ACTN2: variants seen among roughly 807,000 people sequenced by gnomAD.
The protein encoded by ACTN2 is alpha-actinin-2.
A neutral mutation model predicts 113.8 loss-of-function variants in ACTN2; 39 were observed. The ratio of observed to expected loss-of-function variants is 0.34; its 90% CI spans 0.27 to 0.45. ACTN2 has a LOEUF of 0.45. Among genes scored for constraint, ACTN2 ranks in the 20% least tolerant of loss-of-function variants. The probability of loss-of-function intolerance (pLI) is 1.00; values close to 1 mark genes in which losing one functional copy is unlikely to be tolerated. For synonymous variants in ACTN2, 429 were observed against 444.1 expected (o/e 0.97, Z 0.43); for missense variants, 992 against 1,177.9 (o/e 0.84, Z 2.31).
At chr1:236,757,733 A>T (rs559196330) in intron 18 of ACTN2, 101 bp downstream of exon 18, 1 of 1,470,304 alleles carries the variant, frequency 6.8e-7, no homozygotes, top group East Asian at 2.3e-5. Flanking sequence ...GCTCCACAAC[A>T]TTTACAGGGA....
intron 17 of ACTN2, among the ~76,000 whole-genome samples, chr1:236,757,213 T>G (rs369948931): frequency 5.1e-4 from 61 of 119,864 alleles, no homozygotes; most frequent in East Asian, 1.0e-3. Context: ...TACTGCAGAG[T>G]GCCCGCTGCC....
intron 6 of ACTN2, among the ~76,000 whole-genome samples, chr1:236,729,947 A>G (rs1658667099): frequency 6.6e-6 from 1 of 152,250 alleles, no homozygotes; most frequent in African/African-American, 2.4e-5. Flanking sequence ...TAATACTTAT[A>G]TAGCACCAGG....
At chr1:236,717,488 A>T (rs1466397403) in intron 1 of ACTN2, among the ~76,000 whole-genome samples, 1 of 152,164 alleles carries the variant, frequency 6.6e-6, no homozygotes, top group Non-Finnish European at 1.5e-5. Flanking sequence ...TGCTGCAAGC[A>T]AGCATATTTT....
chr1:236,718,257 T>C (rs1388064521), intron 2 of ACTN2, among the ~76,000 whole-genome samples: 1 of 152,254 alleles, frequency 6.6e-6, no homozygotes, highest in Non-Finnish European at 1.5e-5. Context: ...CCCTCCATGC[T>C]GCCCTTTCTA....
intron 8 of ACTN2, 40 bp from the exon 9 acceptor site, chr1:236,737,082 C>T (rs199692017): frequency 3.2e-5 from 49 of 1,547,338 alleles, no homozygotes; most frequent in East Asian, 1.4e-4. Flanking sequence ...TGCGCATTCC[C>T]GTCGACAGAG....
Position 236,755,218 on chromosome 1 carries a change from G to A in ACTN2, c.2154+20G>A, listed in dbSNP as rs780539018. The A allele has an allele frequency of 1.7e-5, 27 of 1,613,840 alleles. 1 individual carries two copies. Among genetic ancestry groups the A allele is most frequent in the East Asian group, 6.7e-5 (3 of 44,888 alleles). ...ATGGAGGTACGGCAGCCAGACAGGC[G>A]TGTGCCGCTCACTTCTCACGGGGAC... On this transcript the variant is annotated intron_variant, in intron 17 of 20. Transcript: ENST00000366578.
intron 1 of ACTN2, among the ~76,000 whole-genome samples, chr1:236,707,932 G>C (rs1269955833): frequency 6.6e-6 from 1 of 151,570 alleles, no homozygotes; most frequent in Non-Finnish European, 1.5e-5. Flanking sequence ...GGCTGGTCTC[G>C]AACTCCTAGA....
chr1:236,747,548 T>A, intron 12 of ACTN2, 119 bp from the exon 13 acceptor site: 1 of 863,570 alleles, frequency 1.2e-6, no homozygotes, highest in East Asian at 2.7e-5. Flanking sequence ...TATGTCCATG[T>A]GGATACATTT....
At chr1:236,746,197 A>G (rs1167566518) in intron 12 of ACTN2, among the ~76,000 whole-genome samples, 3 of 151,768 alleles carry the variant, frequency 2.0e-5, no homozygotes, top group Non-Finnish European at 4.4e-5. Context: ...AGAAAAAAAA[A>G]AAGAAAACGA....
At position 236,762,595 on chromosome 1, in the gene ACTN2, A is replaced by C. The variant is rs760091931; in HGVS notation, c.2661A>C (p.Ala887=). 1.2e-5 allele frequency: 20 copies of C among 1,613,910 alleles called. No individual in the cohort carries two copies. The highest frequency in any genetic ancestry group is 2.2e-5 in the East Asian group (1 of 44,886). ...GALDYAAFSS[A]LYGESDL Reference sequence around the variant, plus strand: ...TGGATTACGCTGCGTTCTCTTCCGCACTCTACGGGGAGAGCGATCTGTGAT... The same window carrying C: ...TGGATTACGCTGCGTTCTCTTCCGCCCTCTACGGGGAGAGCGATCTGTGAT... The change falls in exon 21 of 21, where the codon GCA becomes GCC. Residue 887 remains alanine, a synonymous_variant. Transcript: ENST00000366578.
intron 17 of ACTN2, among the ~76,000 whole-genome samples, chr1:236,757,237 T>C (rs893664859): frequency 5.4e-5 from 8 of 147,936 alleles, no homozygotes; most frequent in African/African-American, 2.0e-4. Context: ...GTTAGAACCC[T>C]GGTTATAGAG....
At chr1:236,704,089 T>C (rs1200675997) in intron 1 of ACTN2, among the ~76,000 whole-genome samples, 1 of 152,160 alleles carries the variant, frequency 6.6e-6, no homozygotes, top group East Asian at 1.9e-4. Flanking sequence ...AAATGTAGAA[T>C]TTGACGTGGA....
intron 10 of ACTN2, 117 bp from the exon 11 acceptor site, chr1:236,742,779 C>A: frequency 7.4e-7 from 1 of 1,353,124 alleles, no homozygotes; most frequent in Non-Finnish European, 1.0e-6. Context: ...GAAAAGAAAA[C>A]AAAAGGAAAA....
intron 1 of ACTN2, among the ~76,000 whole-genome samples, chr1:236,708,466 T>C (rs1424631906): frequency 6.6e-6 from 1 of 152,214 alleles, no homozygotes; most frequent in Non-Finnish European, 1.5e-5. Flanking sequence ...TCAGTTTTCG[T>C]TGTGCTGAGT....
At position 236,695,788 on chromosome 1, in the gene ACTN2, A is replaced by G. The variant is rs1021542047; in HGVS notation, c.126+8989A>G. Among the ~76,000 whole-genome samples the G allele has an allele frequency of 4.6e-5, 7 of 152,186 alleles. No individual in the cohort carries two copies. In the East Asian group the frequency reaches 1.2e-3, roughly 25 times the overall value. On this transcript the variant is annotated intron_variant, in intron 1 of 20. Transcript: ENST00000366578. ...AAGAACTGGCATATGCAGTCTTCATACATGCCAAGCCCTAGACCAAGAAGT... is the reference window on the plus strand; with the variant it reads ...AAGAACTGGCATATGCAGTCTTCATGCATGCCAAGCCCTAGACCAAGAAGT...
At chr1:236,739,681 T>C (rs976941605) in intron 10 of ACTN2, 149 bp downstream of exon 10, 1 of 982,022 alleles carries the variant, frequency 1.0e-6, no homozygotes, top group Non-Finnish European at 1.6e-6. Context: ...ACTTTGTTCT[T>C]AATACTTTTC....
Position 236,751,570 on chromosome 1 carries a change from T to C in ACTN2, c.1757T>C (p.Ile586Thr). The C allele has an allele frequency of 6.2e-7, 1 of 1,613,934 alleles. No homozygotes were observed. Among genetic ancestry groups the C allele is most frequent in the East Asian group, 2.2e-5 (1 of 44,872 alleles). The change falls in exon 15 of 21, where the codon ATT becomes ACT. Residue 586 changes from isoleucine (I) to threonine (T), a missense_variant. Transcript: ENST00000366578. ...MAIQNEVEKV[I>T]QSYNIRISSS... ...ATCCAGAACGAGGTGGAGAAGGTGA[T>C]TCAGAGCTACAACATCAGAATCAGC...
rs397516577 is a variant in ACTN2, at chr1:236,762,521, A to G, written c.2587A>G (p.Ile863Val). 92 of 1,614,036 alleles carry G rather than the reference A, an allele frequency of 5.7e-5. 4 individuals carry two copies. The South Asian group carries it at 9.9e-4, about 17-fold the overall frequency. ...ELPPDQAQYCIKRMPAYSGPG... is the reference protein window; with the variant it reads ...ELPPDQAQYCVKRMPAYSGPG... ...GCCCCCGGATCAGGCCCAGTACTGC[A>G]TCAAGAGGATGCCCGCCTACTCGGG... is the stretch of plus-strand genomic sequence containing the variant. The change falls in exon 21 of 21, where the codon ATC becomes GTC. Residue 863 changes from isoleucine (I) to valine (V), a missense_variant. Ile to Val is a conservative substitution (Grantham distance 29). Transcript: ENST00000366578.
At position 236,751,908 on chromosome 1, in the gene ACTN2, T is replaced by C. The variant is rs150715956; in HGVS notation, c.1839+256T>C. On this transcript the variant is annotated intron_variant, in intron 15 of 20. Transcript: ENST00000366578. The stretch of plus-strand genomic sequence containing the variant: ...CTTATAAATGTTGACACAACCACTG[T>C]AGGTTATGATCCTAATACCATAAAG... Among the ~76,000 whole-genome samples, 2,082 of 152,288 alleles carry C rather than the reference T, an allele frequency of 0.014. 42 individuals are homozygous for C. Among genetic ancestry groups the C allele is most frequent in the African/African-American group, 0.047 (1,942 of 41,528 alleles).
Sources: allele counts gnomAD v4.1 joint callset (sites outside exome capture counted in the v4.1 genomes callset), GRCh38; gene constraint gnomAD v4.1.1; transcripts MANE v1.5; gene names NCBI Gene and HGNC (gene_info 2026-07-23, HGNC 2026-07-21).